The following NVL variants were observed in gnomAD, a reference collection of about 807,000 sequenced individuals.
NVL encodes the protein nuclear valosin-containing protein-like.
A neutral mutation model predicts 110.2 loss-of-function variants in NVL; 84 were observed. The ratio of observed to expected loss-of-function variants is 0.76; its 90% CI spans 0.64 to 0.91. The LOEUF (loss-of-function observed/expected upper bound fraction) is 0.91. Ranked by LOEUF, NVL falls within the 40% of genes least tolerant of loss-of-function variation. NVL has a pLI of 0.00. For synonymous variants in NVL, 354 were observed against 361.1 expected (o/e 0.98, Z 0.22); for missense variants, 882 against 1,035.9 (o/e 0.85, Z 2.04).
chr1:224,307,086 T>C (rs1199260220), intron 6 of NVL, among the ~76,000 whole-genome samples: 1 of 152,198 alleles, frequency 6.6e-6, no homozygotes, highest in African/African-American at 2.4e-5. Flanking sequence ...ACCCAGTATA[T>C]CCAAAATATT....
At chr1:224,230,331 G>A (rs765445280) in intron 22 of NVL, among the ~76,000 whole-genome samples, 3 of 152,306 alleles carry the variant, frequency 2.0e-5, no homozygotes, top group Non-Finnish European at 4.4e-5. Flanking sequence ...TGGGCTGGGC[G>A]CAGTGGCTCA....
At chr1:224,296,978 A>T (rs1369860269) in intron 10 of NVL, among the ~76,000 whole-genome samples, 3 of 152,208 alleles carry the variant, frequency 2.0e-5, no homozygotes, top group Admixed American at 6.5e-5. Flanking sequence ...AAAACTTAAG[A>T]CAACAAGTTT....
At chr1:224,321,559 A>C (rs1278617307) in intron 2 of NVL, among the ~76,000 whole-genome samples, 2 of 152,174 alleles carry the variant, frequency 1.3e-5, no homozygotes, top group Non-Finnish European at 2.9e-5. Flanking sequence ...TCTACTAAAA[A>C]TACAAAAATT....
At chr1:224,296,893 C>A (rs1382141330) in intron 10 of NVL, among the ~76,000 whole-genome samples, 2 of 152,010 alleles carry the variant, frequency 1.3e-5, no homozygotes, top group Non-Finnish European at 2.9e-5. Context: ...TACTGAAATT[C>A]TTTTGTAAAT....
At chr1:224,227,696 C>T (rs770108229) in intron 22 of NVL, 26 bp from the exon 23 acceptor site, 13 of 1,602,782 alleles carry the variant, frequency 8.1e-6, no homozygotes, top group Non-Finnish European at 1.1e-5. Context: ...ACACAGAATA[C>T]AGAGACCGTC....
chr1:224,250,373 T>G, intron 18 of NVL, 55 bp from the exon 19 acceptor site: 2 of 1,436,040 alleles, frequency 1.4e-6, no homozygotes, highest in South Asian at 1.5e-5. Flanking sequence ...TTTTATTTTT[T>G]TATTTTTTTG....
chr1:224,227,761 A>T, intron 22 of NVL, 91 bp from the exon 23 acceptor site: 1 of 1,128,284 alleles, frequency 8.9e-7, no homozygotes, highest in Non-Finnish European at 1.3e-6. Flanking sequence ...TGCAGTCCGC[A>T]CCCGCAGGAC....
At chr1:224,254,257 T>A (rs1009243363) in intron 18 of NVL, among the ~76,000 whole-genome samples, 1 of 151,972 alleles carries the variant, frequency 6.6e-6, no homozygotes, top group African/African-American at 2.4e-5. Context: ...CATGCCCGGC[T>A]AACTTTTGTA....
intron 19 of NVL, among the ~76,000 whole-genome samples, chr1:224,238,701 C>G (rs951013352): frequency 3.3e-5 from 5 of 152,114 alleles, no homozygotes; most frequent in Admixed American, 2.6e-4. Flanking sequence ...TGCTAAGCAT[C>G]TTTTAGTGTA....
At chr1:224,266,717 G>A (rs1664538060) in intron 18 of NVL, among the ~76,000 whole-genome samples, 1 of 152,202 alleles carries the variant, frequency 6.6e-6, no homozygotes, top group African/African-American at 2.4e-5. Flanking sequence ...GTTCAACTCT[G>A]AGGGACTTTC....
chr1:224,265,522 A>G (rs996660528), intron 18 of NVL, among the ~76,000 whole-genome samples: 3 of 152,150 alleles, frequency 2.0e-5, no homozygotes, highest in African/African-American at 7.2e-5. Flanking sequence ...TAAATAAATA[A>G]TAAAATAAAA....
intron 10 of NVL, among the ~76,000 whole-genome samples, chr1:224,298,003 T>C (rs73130462): frequency 0.16 from 22,997 of 147,624 alleles, 3,606 homozygotes; most frequent in African/African-American, 0.41. Context: ...AGCTGAGACA[T>C]TCCAGCCTGG....
chr1:224,301,626 A>G, intron 9 of NVL: 2 of 313,336 alleles, frequency 6.4e-6, no homozygotes, highest in Admixed American at 8.9e-5. Flanking sequence ...ACACAGTGAG[A>G]CCCCACCTCT....
chr1:224,280,948 T>C (rs1449994336), intron 16 of NVL, among the ~76,000 whole-genome samples, 175 bp downstream of exon 16: 2 of 152,158 alleles, frequency 1.3e-5, no homozygotes, highest in Non-Finnish European at 2.9e-5. Context: ...TGAGAAAGCA[T>C]TTATACACCC....
intron 16 of NVL, among the ~76,000 whole-genome samples, chr1:224,279,835 C>CA (rs1666139956): frequency 6.6e-6 from 1 of 152,008 alleles, no homozygotes; most frequent in African/African-American, 2.4e-5. Context: ...TCATAAACCT[C>CA]ATACTTGAAA....
At chr1:224,315,170 C>G (rs1366175898) in intron 4 of NVL, among the ~76,000 whole-genome samples, 1 of 151,884 alleles carries the variant, frequency 6.6e-6, no homozygotes, top group Non-Finnish European at 1.5e-5. Context: ...ATCCTCCTAC[C>G]TCAACTTCCA....
At chr1:224,264,988 G>A (rs1002846733) in intron 18 of NVL, among the ~76,000 whole-genome samples, 1 of 151,936 alleles carries the variant, frequency 6.6e-6, no homozygotes, top group Non-Finnish European at 1.5e-5. Flanking sequence ...CTTGTGATCC[G>A]CCGGCCTCGG....
chr1:224,244,328 T>C (rs967252470), intron 19 of NVL, among the ~76,000 whole-genome samples: 7 of 151,246 alleles, frequency 4.6e-5, no homozygotes, highest in Admixed American at 4.0e-4. Flanking sequence ...GATCGCACCA[T>C]TGTACTCCAG....
At chr1:224,296,727 C>T (rs914449424) in intron 10 of NVL, 109 bp from the exon 11 acceptor site, 4 of 674,596 alleles carry the variant, frequency 5.9e-6, no homozygotes, top group African/African-American at 1.8e-5. Flanking sequence ...GGATCATTTG[C>T]CAAAAGAATA....
Sources: allele counts gnomAD v4.1 joint callset (sites outside exome capture counted in the v4.1 genomes callset), GRCh38; gene constraint gnomAD v4.1.1; transcripts MANE v1.5; gene names NCBI Gene and HGNC (gene_info 2026-07-23, HGNC 2026-07-21).